FMN1: variants seen among roughly 807,000 people sequenced by gnomAD.
FMN1 encodes formin-1.
Under a neutral mutation model 132.4 loss-of-function variants are expected in FMN1, and 110 were observed. The observed-to-expected ratio is 0.83, with a 90% CI of 0.71 to 0.97. FMN1 has a LOEUF of 0.97. Among genes scored for constraint, FMN1 ranks in the 50% least tolerant of loss-of-function variants. The pLI is 0.00. For synonymous variants in FMN1, 722 were observed against 651.7 expected (o/e 1.11, Z -1.64); for missense variants, 1,792 against 1,705.3 (o/e 1.05, Z -0.90).
intron 2 of FMN1, among the ~76,000 whole-genome samples, chr15:33,182,032 C>T (rs1379865583): frequency 1.3e-5 from 2 of 152,094 alleles, no homozygotes; most frequent in Non-Finnish European, 2.9e-5. Context: ...CTTAAAAGGT[C>T]ACTCAGACTG....
At chr15:32,880,450 A>C (rs2059742290) in intron 16 of FMN1, among the ~76,000 whole-genome samples, 1 of 152,164 alleles carries the variant, frequency 6.6e-6, no homozygotes, top group Admixed American at 6.5e-5. Flanking sequence ...CTTTTGACTT[A>C]ATCAAATCTG....
intron 17 of FMN1, among the ~76,000 whole-genome samples, chr15:32,823,159 T>G (rs2058269793): frequency 1.4e-5 from 1 of 70,298 alleles, no homozygotes; most frequent in Non-Finnish European, 3.1e-5. Flanking sequence ...ACTGTTTTTT[T>G]TTTTTTTTTT....
chr15:33,158,112 G>A (rs1964748931), intron 3 of FMN1, among the ~76,000 whole-genome samples: 1 of 151,902 alleles, frequency 6.6e-6, no homozygotes. Flanking sequence ...ATAAAATCTA[G>A]AAAAAGGGCA....
intron 6 of FMN1, among the ~76,000 whole-genome samples, chr15:33,059,864 CT>C (rs2037405906): frequency 1.3e-5 from 2 of 152,192 alleles, no homozygotes; most frequent in Admixed American, 1.3e-4. Flanking sequence ...CTAGTATCTC[CT>C]TGAACACAAT....
chr15:32,886,051 G>GAAAC (rs80303371), intron 16 of FMN1, among the ~76,000 whole-genome samples: 29,866 of 151,948 alleles, frequency 0.2, 3,085 homozygotes, highest in South Asian at 0.25. Context: ...AAAAGGAGGT[G>GAAAC]AAACCTGAAT....
chr15:32,969,241 G>C lies in FMN1; in HGVS notation c.2460C>G (p.Ser820Arg). ...CTAATTGATTACTTCTGGTTGTCTT[G>C]CTTTCACTTTCACAGGGCTTGAGGA... ...ETFLKPCESE[S>R]KTTRSNQLVP... The change falls in exon 8 of 21, where the codon AGC becomes AGG. Residue 820 changes from serine to arginine, a missense_variant. Physicochemically the swap from Ser to Arg is moderately radical, Grantham distance 110 (BLOSUM62 -1). This residue lies in a region of FMN1 where 1,150 missense variants were observed against 1,043.1 expected (regional missense o/e 1.10). Coordinates refer to ENST00000616417, the MANE Select transcript of FMN1 (RefSeq NM_001277313.2). 6.2e-7 allele frequency: 1 copy of C among 1,613,920 alleles called. No individual in the cohort carries two copies. Among genetic ancestry groups the C allele is most frequent in the Non-Finnish European group, 8.5e-7 (1 of 1,179,886 alleles).
intron 12 of FMN1, among the ~76,000 whole-genome samples, chr15:32,906,211 G>A (rs747293550): frequency 5.9e-5 from 9 of 152,116 alleles, no homozygotes; most frequent in Non-Finnish European, 7.4e-5. Flanking sequence ...AGGGCTGCTC[G>A]GTGGTTAAGG....
chr15:33,009,044 G>A (rs143318083), intron 6 of FMN1, among the ~76,000 whole-genome samples: 1 of 152,186 alleles, frequency 6.6e-6, no homozygotes, highest in South Asian at 2.1e-4. Context: ...GAAATCATTG[G>A]CAAAGCCACG....
chr15:32,894,782 TAAAA>T (rs36138638), intron 15 of FMN1, among the ~76,000 whole-genome samples: 1 of 141,118 alleles, frequency 7.1e-6, no homozygotes, highest in Non-Finnish European at 1.6e-5. Flanking sequence ...AGAAGACAGT[TAAAA>T]AAAAAAAAAC....
intron 9 of FMN1, among the ~76,000 whole-genome samples, chr15:32,927,647 A>C (rs2060995176): frequency 6.6e-6 from 1 of 152,222 alleles, no homozygotes; most frequent in African/African-American, 2.4e-5. Flanking sequence ...ACCTTTATGA[A>C]TATTCCATGG....
intron 16 of FMN1, among the ~76,000 whole-genome samples, chr15:32,868,481 G>C (rs1005512651): frequency 3.3e-5 from 5 of 152,162 alleles, no homozygotes; most frequent in African/African-American, 1.2e-4. Context: ...GTTTGTGTAA[G>C]TACACTCTAT....
rs975667707 is a variant in FMN1, at chr15:32,972,106, A to G, written c.2224-2629T>C. 2.6e-5 allele frequency among the ~76,000 whole-genome samples: 4 copies of G among 152,160 alleles called. No individual in the cohort carries two copies. The South Asian group carries it at 8.3e-4, about 32-fold the overall frequency. On this transcript the variant is annotated intron_variant, in intron 7 of 20. Coordinates refer to ENST00000616417, the MANE Select transcript of FMN1 (RefSeq NM_001277313.2). ...ATATGCCAGGGAGGCAAATTAATAT[A>G]CGTAAAAGAAAATACAGAAGAGTGT...
At chr15:33,057,502 C>T (rs1211140700) in intron 6 of FMN1, among the ~76,000 whole-genome samples, 1 of 152,200 alleles carries the variant, frequency 6.6e-6, no homozygotes, top group Non-Finnish European at 1.5e-5. Context: ...TCATTACCCT[C>T]CTTTTTAGAG....
At chr15:33,114,575 G>C (rs1313257758) in intron 4 of FMN1, among the ~76,000 whole-genome samples, 1 of 151,990 alleles carries the variant, frequency 6.6e-6, no homozygotes, top group South Asian at 2.1e-4. Context: ...AGAACACCAC[G>C]CAAACGCGAG....
intron 13 of FMN1, 141 bp downstream of exon 13, chr15:32,901,770 A>C: frequency 1.7e-6 from 1 of 588,324 alleles, no homozygotes; most frequent in Admixed American, 3.8e-5. Flanking sequence ...CACACGGGCA[A>C]GATAATCATC....
chr15:32,824,884 T>A (rs536774509), intron 17 of FMN1, among the ~76,000 whole-genome samples: 2 of 152,342 alleles, frequency 1.3e-5, no homozygotes, highest in Admixed American at 6.5e-5. Context: ...CTGCTGAACA[T>A]CCTGACATGA....
intron 6 of FMN1, among the ~76,000 whole-genome samples, chr15:33,044,550 C>G (rs1377817438): frequency 6.6e-6 from 1 of 152,188 alleles, no homozygotes; most frequent in Admixed American, 6.5e-5. Context: ...TCTGTGAGAG[C>G]TGAGAAGATG....
intron 4 of FMN1, among the ~76,000 whole-genome samples, chr15:33,130,138 T>G (rs1477305412): frequency 6.6e-6 from 1 of 152,190 alleles, no homozygotes. Context: ...AGCCTATTTT[T>G]TCATTCTTGA....
chr15:32,888,310 C>A lies in FMN1; in HGVS notation c.3715-18G>T. 3.2e-6 allele frequency: 5 copies of A among 1,586,774 alleles called. No individual in the cohort carries two copies. Among genetic ancestry groups the A allele is most frequent in the Non-Finnish European group, 4.3e-6 (5 of 1,168,138 alleles). On this transcript the variant is annotated intron_variant, in intron 15 of 20. Coordinates refer to ENST00000616417, the MANE Select transcript of FMN1 (RefSeq NM_001277313.2). ...CCAGCTTCCTAAGAGATATGGTAAA[C>A]AAAAGTACATTATACTTCCCAATTG...
Sources: gnomAD v4.1 joint callset for allele counts (sites outside exome capture counted in the v4.1 genomes callset) on GRCh38, gnomAD v4.1.1 for gene constraint, gnomAD v4.1.1 regional missense constraint, MANE v1.5 for transcripts, NCBI Gene and HGNC (gene_info 2026-07-23, HGNC 2026-07-21) for gene names.